The following MTHFD1L variants were observed in gnomAD, a reference collection of about 807,000 sequenced individuals.
MTHFD1L encodes monofunctional C1-tetrahydrofolate synthase, mitochondrial.
Under a neutral mutation model 119.5 loss-of-function variants are expected in MTHFD1L, and 81 were observed. The observed-to-expected ratio is 0.68, with a 90% CI of 0.57 to 0.82. The LOEUF is 0.82. Ranked by LOEUF, MTHFD1L falls within the 40% of genes least tolerant of loss-of-function variation. MTHFD1L has a pLI of 0.00. For missense variants in MTHFD1L, 1,125 were observed against 1,253.4 expected (o/e 0.90, Z 1.55); for synonymous variants, 430 against 475.2 (o/e 0.90, Z 1.24).
At chr6:151,005,072 A>G (rs1438492644) in intron 20 of MTHFD1L, among the ~76,000 whole-genome samples, 1 of 152,116 alleles carries the variant, frequency 6.6e-6, no homozygotes, top group African/African-American at 2.4e-5. Context: ...TGCAAATATG[A>G]TAAGGGAATA....
chr6:150,926,037 G>A lies in MTHFD1L; in HGVS notation c.1083-85G>A. 5 of 1,182,512 alleles carry A rather than the reference G, an allele frequency of 4.2e-6. No homozygotes were observed. The South Asian group carries it at 4.9e-5, about 12-fold the overall frequency. The allele number at this position is 1,182,512 out of a possible 1,614,324, so 73.3% of individuals were successfully genotyped here. A position where few individuals can be genotyped will look rare whatever the true frequency, so the allele number is the denominator to read the frequency against. ...AGTAATTGCATTGATTTCATCGTTG[G>A]CGTGATGTGTGGCTGTTTTCACTCC... On this transcript the variant is annotated intron_variant, in intron 10 of 27. Coordinates refer to ENST00000367321, the MANE Select transcript of MTHFD1L (RefSeq NM_015440.5). The surrounding 1 kb of genome is among the most constrained non-coding windows in gnomAD (Gnocchi z 4.3).
rs1384860015 is a variant in MTHFD1L at position 151,013,795 on chromosome 6, C to T, written c.2282C>T (p.Pro761Leu). The T allele has an allele frequency of 3.1e-6, 5 of 1,612,674 alleles. No individual in the cohort carries two copies. Among genetic ancestry groups the T allele is most frequent in the Non-Finnish European group, 4.2e-6 (5 of 1,179,052 alleles). Reference protein sequence around the residue: ...GGGPSVTAGVPLKKEYTEENI... With the variant: ...GGGPSVTAGVLLKKEYTEENI... ...TTATTTCAGGTAACGGCTGGTGTTC[C>T]TCTTAAGAAAGAATATACAGAGGAG... The change falls in exon 22 of 28, where the codon CCT becomes CTT. Residue 761 changes from proline (P) to leucine (L), a missense_variant. Around this residue, in one of 3 missense-constraint regions of MTHFD1L, gnomAD observed 1,058 missense variants for 1,151.2 expected, o/e 0.92. Coordinates refer to ENST00000367321, the MANE Select transcript of MTHFD1L (RefSeq NM_015440.5).
At chr6:150,984,571 G>GGAA (rs568906119) in intron 20 of MTHFD1L, among the ~76,000 whole-genome samples, 1 of 109,298 alleles carries the variant, frequency 9.1e-6, no homozygotes. Context: ...AAAAACAAGG[G>GGAA]AAAAAAAAAA....
At position 150,926,212 on chromosome 6, in the gene MTHFD1L, T is replaced by C. The variant is rs781411519; in HGVS notation, c.1173T>C (p.Tyr391=). The change falls in exon 11 of 28, where the codon TAT becomes TAC. Residue 391 remains tyrosine, a synonymous_variant. Transcript: ENST00000367321. This position sits in a 1 kb window ranked among gnomAD's most constrained non-coding sequence, Gnocchi z 4.3. ...IGLLADEIEI[Y]GKSKAKVRLS... is the part of the protein sequence containing the mutation. ...TGCTTGCAGATGAAATTGAAATCTA[T>C]GGCAAAAGCAAAGCCAAAGTACGTT... 20 of 1,613,986 alleles carry C rather than the reference T, an allele frequency of 1.2e-5. No individual in the cohort carries two copies. Among genetic ancestry groups the C allele is most frequent in the East Asian group, 2.2e-5 (1 of 44,878 alleles).
intron 7 of MTHFD1L, 88 bp downstream of exon 7, chr6:150,888,069 A>G (rs1208089707): frequency 7.3e-7 from 1 of 1,371,374 alleles, no homozygotes; most frequent in African/African-American, 1.5e-5. Flanking sequence ...TGCTTAATTC[A>G]AGAAATTAGA....
chr6:150,995,871 C>T (rs536383105), intron 20 of MTHFD1L, among the ~76,000 whole-genome samples: 1 of 152,168 alleles, frequency 6.6e-6, no homozygotes, highest in East Asian at 1.9e-4. Flanking sequence ...CCATGTTGGC[C>T]AGGCTGGTTT....
intron 16 of MTHFD1L, among the ~76,000 whole-genome samples, chr6:150,954,325 G>T (rs1265938795): frequency 6.6e-6 from 1 of 152,170 alleles, no homozygotes; most frequent in Non-Finnish European, 1.5e-5. Flanking sequence ...TGTTGCATTG[G>T]TATTCACTAA....
At chr6:150,885,535 T>G (rs1215105422) in intron 5 of MTHFD1L, 99 bp from the exon 6 acceptor site, 1 of 832,164 alleles carries the variant, frequency 1.2e-6, no homozygotes, top group Admixed American at 2.0e-5. Flanking sequence ...TATCAAACAT[T>G]GACTTGGATG....
At chr6:150,899,210 A>G (rs1784737423) in intron 7 of MTHFD1L, among the ~76,000 whole-genome samples, 1 of 152,238 alleles carries the variant, frequency 6.6e-6, no homozygotes, top group South Asian at 2.1e-4. Flanking sequence ...ATTATTTTTC[A>G]GGGGAAAAGT....
chr6:150,948,544 G>A lies in MTHFD1L; in HGVS notation c.1624-487G>A, dbSNP rs139126054. Among the ~76,000 whole-genome samples, 344 of 152,074 alleles carry A rather than the reference G, an allele frequency of 2.3e-3. 12 individuals are homozygous for A. In the East Asian group the frequency reaches 0.057, roughly 25 times the overall value. On this transcript the variant is annotated intron_variant, in intron 15 of 27. Transcript: ENST00000367321. ...TCACCATGTTGGCCAGTCTGGTCTC[G>A]AACTCCTGACCTTAGGTGATCCACC...
chr6:150,952,795 T>TGCGATTACAG (rs1795046088), intron 16 of MTHFD1L, among the ~76,000 whole-genome samples: 1 of 152,196 alleles, frequency 6.6e-6, no homozygotes, highest in African/African-American at 2.4e-5. Context: ...CCCGAAGTGC[T>TGCGATTACAG]GCGATTACAG....
At chr6:151,088,227 T>C (rs1218416213) in intron 26 of MTHFD1L, 1 of 152,190 alleles carries the variant, frequency 6.6e-6, no homozygotes, top group Non-Finnish European at 1.5e-5. Flanking sequence ...TGGCTGTATA[T>C]CTGCAGGTCA....
At chr6:150,950,938 G>A (rs1389829839) in intron 16 of MTHFD1L, among the ~76,000 whole-genome samples, 1 of 151,950 alleles carries the variant, frequency 6.6e-6, no homozygotes, top group East Asian at 1.9e-4. Flanking sequence ...CAAAGTGCTG[G>A]GATTACATGC....
intron 20 of MTHFD1L, among the ~76,000 whole-genome samples, chr6:150,984,119 A>T (rs1777926304): frequency 6.6e-6 from 1 of 152,352 alleles, no homozygotes; most frequent in African/African-American, 2.4e-5. Context: ...ATTGACTTTA[A>T]TATTTTTATA....
At chr6:151,065,618 T>G (rs1791141919) in intron 26 of MTHFD1L, among the ~76,000 whole-genome samples, 1 of 152,184 alleles carries the variant, frequency 6.6e-6, no homozygotes, top group African/African-American at 2.4e-5. Flanking sequence ...TACTCAAAAC[T>G]CCCTATCCAG....
intron 10 of MTHFD1L, among the ~76,000 whole-genome samples, chr6:150,922,705 G>A (rs192072148): frequency 0.09 from 12,831 of 142,182 alleles, 821 homozygotes; most frequent in African/African-American, 0.18. Flanking sequence ...GTGCAATGGT[G>A]CGATCTCGGC....
At chr6:150,975,370 G>A (rs941641931) in intron 20 of MTHFD1L, among the ~76,000 whole-genome samples, 4 of 152,108 alleles carry the variant, frequency 2.6e-5, no homozygotes, top group South Asian at 2.1e-4. Context: ...CAGTGGGAAC[G>A]GGGTGTGGTC....
intron 20 of MTHFD1L, among the ~76,000 whole-genome samples, chr6:150,984,833 G>A (rs1045624285): frequency 6.6e-6 from 1 of 152,076 alleles, no homozygotes; most frequent in Non-Finnish European, 1.5e-5. Context: ...GCATTTTGAT[G>A]CCAATATAAT....
chr6:151,000,636 G>T lies in MTHFD1L; in HGVS notation c.2126-9183G>T, dbSNP rs548952891. On this transcript the variant is annotated intron_variant, in intron 20 of 27. Coordinates refer to ENST00000367321, the MANE Select transcript of MTHFD1L (RefSeq NM_015440.5). ...GAATTTCTCTTATAGTTAATTGAAT[G>T]ATTTATCCTGGTGTTGTCTCCTGGT... 5.3e-5 allele frequency among the ~76,000 whole-genome samples: 8 copies of T among 152,316 alleles called. No homozygotes were observed. In the South Asian group the frequency reaches 1.7e-3, roughly 32 times the overall value.
Sources: gnomAD v4.1 joint callset for allele counts (sites outside exome capture counted in the v4.1 genomes callset) on GRCh38, gnomAD v4.1.1 for gene constraint, gnomAD v4.1.1 regional missense constraint, Gnocchi (gnomAD v3.1) non-coding constraint, MANE v1.5 for transcripts, NCBI Gene and HGNC (gene_info 2026-07-23, HGNC 2026-07-21) for gene names.